The following CSMD1 variants were observed in gnomAD, a reference collection of about 807,000 sequenced individuals.
CSMD1 encodes CUB and Sushi multiple domains 1.
CSMD1 carries 213 observed loss-of-function variants against 417.5 expected under a neutral mutation model. That is an observed-to-expected ratio of 0.51 (90% confidence interval 0.46 to 0.57). The LOEUF (loss-of-function observed/expected upper bound fraction) is 0.57, where lower values mean the gene tolerates loss of function less well. Among genes scored for constraint, CSMD1 ranks in the 20% least tolerant of loss-of-function variants. The pLI is 0.00. For missense variants in CSMD1, 6,923 were observed against 4,529.7 expected (o/e 1.53, Z -15.17); for synonymous variants, 2,862 against 1,736.8 (o/e 1.65, Z -16.11).
At chr8:3,975,167 G>C (rs997360320) in intron 5 of CSMD1, among the ~76,000 whole-genome samples, 9 of 152,138 alleles carry the variant, frequency 5.9e-5, no homozygotes, top group African/African-American at 1.4e-4. Flanking sequence ...TCATCTTACA[G>C]TATGATTTTC....
At chr8:4,045,600 G>C (rs1346562891) in intron 3 of CSMD1, among the ~76,000 whole-genome samples, 2 of 152,148 alleles carry the variant, frequency 1.3e-5, no homozygotes, top group Non-Finnish European at 2.9e-5. Context: ...ACTCAAGAAT[G>C]TTCCTGCTAT....
rs145301456 is a variant in CSMD1, at chr8:4,171,993, G to T, written c.416-139894C>A. Among the ~76,000 whole-genome samples the T allele has an allele frequency of 4.7e-3, 710 of 151,954 alleles. 16 individuals carry two copies. Among genetic ancestry groups the T allele is most frequent in the Admixed American group, 0.043 (651 of 15,250 alleles). Reference sequence around the variant, plus strand: ...TCAGCATCCTTCATTTGAATATCACGGTTTAATACCACCAAAGCAGCACAT... The same window carrying T: ...TCAGCATCCTTCATTTGAATATCACTGTTTAATACCACCAAAGCAGCACAT... On this transcript the variant is annotated intron_variant, in intron 3 of 69. Transcript: ENST00000635120.
At chr8:4,229,673 G>T (rs575390872) in intron 3 of CSMD1, among the ~76,000 whole-genome samples, 1 of 151,942 alleles carries the variant, frequency 6.6e-6, no homozygotes, top group African/African-American at 2.4e-5. Flanking sequence ...AGTGAAGTTC[G>T]TTCTCACCAT....
intron 3 of CSMD1, among the ~76,000 whole-genome samples, chr8:4,343,939 A>C (rs1412937967): frequency 6.6e-6 from 1 of 152,098 alleles, no homozygotes; most frequent in South Asian, 2.1e-4. Flanking sequence ...GTGTTTTAAA[A>C]ATTATAATAA....
At chr8:4,382,134 T>A (rs750365662) in intron 3 of CSMD1, among the ~76,000 whole-genome samples, 1 of 152,206 alleles carries the variant, frequency 6.6e-6, no homozygotes. Flanking sequence ...ATAAAGGACA[T>A]CTTTGACAAA....
intron 1 of CSMD1, among the ~76,000 whole-genome samples, chr8:4,680,530 G>T (rs187991504): frequency 8.1e-4 from 123 of 152,196 alleles, no homozygotes; most frequent in African/African-American, 2.9e-3. Flanking sequence ...ATGGAAATTG[G>T]AACTGCTGAT....
In CSMD1 at chr8:3,490,673, T is replaced by A. The variant is rs771938861; in HGVS notation, c.1448+2950A>T. Reference sequence around the variant, plus strand: ...AGAAGGAAAATGACTTCCCTCAGGGTCATGGGGATAGCAAATAGCTGGAGC... The same window carrying A: ...AGAAGGAAAATGACTTCCCTCAGGGACATGGGGATAGCAAATAGCTGGAGC... On this transcript the variant is annotated intron_variant, in intron 11 of 69. Coordinates refer to ENST00000635120, the MANE Select transcript of CSMD1 (RefSeq NM_033225.6). 1.3e-3 allele frequency among the ~76,000 whole-genome samples: 193 copies of A among 152,170 alleles called. 1 individual carries two copies. The highest frequency in any genetic ancestry group is 2.4e-3 in the Non-Finnish European group (164 of 68,016).
At chr8:3,162,070 A>C (rs11998250) in intron 38 of CSMD1, 89 bp downstream of exon 38, 153,510 of 798,384 alleles carry the variant, frequency 0.19, 16,944 homozygotes, top group East Asian at 0.37. Flanking sequence ...TGAGGAAAAC[A>C]TGGGTACAAA....
At chr8:4,032,424 T>G (rs1585170280) in intron 3 of CSMD1, among the ~76,000 whole-genome samples, 2 of 149,374 alleles carry the variant, frequency 1.3e-5, no homozygotes, top group East Asian at 4.0e-4. Context: ...ACTCCTATAG[T>G]GAGCAACCAG....
chr8:3,777,873 G>A (rs4301469), intron 5 of CSMD1, among the ~76,000 whole-genome samples: 25,038 of 115,384 alleles, frequency 0.22, 1,732 homozygotes, highest in Admixed American at 0.26. Context: ...CTCCAGACCC[G>A]CAGTCTCCTT....
At chr8:4,073,356 T>A (rs550900323) in intron 3 of CSMD1, among the ~76,000 whole-genome samples, 9 of 152,294 alleles carry the variant, frequency 5.9e-5, no homozygotes, top group African/African-American at 1.7e-4. Context: ...CTTAGTCACA[T>A]AAGAGCAAGG....
chr8:3,225,243 T>C (rs1165520594), intron 27 of CSMD1, among the ~76,000 whole-genome samples: 1 of 152,232 alleles, frequency 6.6e-6, no homozygotes, highest in Non-Finnish European at 1.5e-5. Context: ...CAGTAGTTCT[T>C]GTTATACTCT....
chr8:3,508,384 C>T lies in CSMD1; in HGVS notation c.1345-14658G>A, dbSNP rs527528324. ...GGGCAGGGGGAGGGGGGAGGGATAG[C>T]ATTAGGAGATATACCTAATGTAAGT... On this transcript the variant is annotated intron_variant, in intron 10 of 69. Coordinates refer to ENST00000635120, the MANE Select transcript of CSMD1 (RefSeq NM_033225.6). 1.3e-3 allele frequency among the ~76,000 whole-genome samples: 196 copies of T among 151,836 alleles called. 2 individuals are homozygous for T. In the South Asian group the frequency reaches 0.014, roughly 11 times the overall value.
rs143712150 is a variant in CSMD1, at chr8:3,918,375, T to C, written c.818+79528A>G. On this transcript the variant is annotated intron_variant, in intron 5 of 69. Coordinates refer to ENST00000635120, the MANE Select transcript of CSMD1 (RefSeq NM_033225.6). ...CCGCATCAACACATATATTTTTATATAATGGCCATCTTAACAAATATCACG... is the reference window on the plus strand; with the variant it reads ...CCGCATCAACACATATATTTTTATACAATGGCCATCTTAACAAATATCACG... Among the ~76,000 whole-genome samples, 366 of 152,264 alleles carry C rather than the reference T, an allele frequency of 2.4e-3. 1 individual carries two copies. Among genetic ancestry groups the C allele is most frequent in the African/African-American group, 7.8e-3 (324 of 41,562 alleles).
chr8:4,253,101 G>A (rs1273884680), intron 3 of CSMD1, among the ~76,000 whole-genome samples: 1 of 152,188 alleles, frequency 6.6e-6, no homozygotes, highest in Non-Finnish European at 1.5e-5. Context: ...GCAAAATCTA[G>A]GATTATCTGT....
chr8:4,292,201 A>G lies in CSMD1; in HGVS notation c.415+127752T>C, dbSNP rs141634089. Among the ~76,000 whole-genome samples, 173 of 152,212 alleles carry G rather than the reference A, an allele frequency of 1.1e-3. 1 individual carries two copies. Among genetic ancestry groups the G allele is most frequent in the African/African-American group, 4.0e-3 (165 of 41,544 alleles). On this transcript the variant is annotated intron_variant, in intron 3 of 69. Coordinates refer to ENST00000635120, the MANE Select transcript of CSMD1 (RefSeq NM_033225.6). ...AGAAGGGATGGACTTATTTATTTGT[A>G]TATGCTGCTTTTTCTTACTTTCCAA...
intron 1 of CSMD1, among the ~76,000 whole-genome samples, chr8:4,882,224 G>A (rs1585258218): frequency 6.6e-6 from 1 of 151,864 alleles, no homozygotes; most frequent in Admixed American, 6.6e-5. Context: ...CACACACTGG[G>A]ACCAGCATCC....
intron 10 of CSMD1, among the ~76,000 whole-genome samples, chr8:3,524,984 A>G (rs1797695224): frequency 6.6e-6 from 1 of 152,222 alleles, no homozygotes; most frequent in African/African-American, 2.4e-5. Context: ...CACCCCAGGA[A>G]AAATGATAAT....
At chr8:4,458,416 G>A (rs972376177) in intron 2 of CSMD1, among the ~76,000 whole-genome samples, 1 of 152,104 alleles carries the variant, frequency 6.6e-6, no homozygotes, top group African/African-American at 2.4e-5. Flanking sequence ...TATTGGCAGT[G>A]ATTTTTATCA....
Sources: allele counts gnomAD v4.1 joint callset (sites outside exome capture counted in the v4.1 genomes callset), GRCh38; gene constraint gnomAD v4.1.1; transcripts MANE v1.5; gene names NCBI Gene and HGNC (gene_info 2026-07-23, HGNC 2026-07-21).